Variants in ENTREP2 observed in about 807,000 individuals in gnomAD.
ENTREP2 encodes protein ENTREP2.
chr15:29,378,228 TAGGAAAACCTAC>T, the ENTREP2 span, among the ~76,000 whole-genome samples: 2 of 145,098 alleles, frequency 1.4e-5, no homozygotes, highest in Non-Finnish European at 3.0e-5. Flanking sequence ...AAAAAAAGAG[TAGGAAAACCTAC>T]TCTTGCCAGG....
chr15:29,487,097 G>A, the ENTREP2 span, among the ~76,000 whole-genome samples: 8 of 152,176 alleles, frequency 5.3e-5, no homozygotes, highest in South Asian at 1.0e-3. Context: ...ATCCTGATTC[G>A]ATCATTACAC....
the ENTREP2 span, among the ~76,000 whole-genome samples, chr15:29,412,227 T>C: frequency 6.6e-6 from 1 of 152,196 alleles, no homozygotes; most frequent in African/African-American, 2.4e-5. Context: ...TCCCTCCATT[T>C]ATTTAGGTTT....
At chr15:29,233,709 C>G in the ENTREP2 span, 11 of 1,295,340 alleles carry the variant, frequency 8.5e-6, no homozygotes, top group Non-Finnish European at 1.2e-5. Flanking sequence ...CTCTGTTGCT[C>G]ATCAAGTTAC....
chr15:29,130,457 G>A, the ENTREP2 span, among the ~76,000 whole-genome samples: 34 of 152,244 alleles, frequency 2.2e-4, no homozygotes, highest in Middle Eastern at 3.4e-3. Context: ...CTCCCCTCCC[G>A]TATCTAACCC....
chr15:29,381,183 G>A, the ENTREP2 span, among the ~76,000 whole-genome samples: 9 of 149,614 alleles, frequency 6.0e-5, no homozygotes, highest in East Asian at 2.1e-4. Flanking sequence ...TTGGCCAGGC[G>A]CAGTGGCTCA....
the ENTREP2 span, among the ~76,000 whole-genome samples, chr15:29,193,088 C>T: frequency 2.0e-5 from 3 of 152,142 alleles, no homozygotes; most frequent in African/African-American, 4.8e-5. Context: ...CAACACTCTA[C>T]GGGGCGGTCT....
the ENTREP2 span, among the ~76,000 whole-genome samples, chr15:29,222,930 C>G: frequency 1.3e-5 from 2 of 152,232 alleles, no homozygotes; most frequent in Non-Finnish European, 2.9e-5. Context: ...GTGATACAAT[C>G]TCATGACTTT....
At chr15:29,514,925 G>A in the ENTREP2 span, among the ~76,000 whole-genome samples, 1 of 152,082 alleles carries the variant, frequency 6.6e-6, no homozygotes, top group Non-Finnish European at 1.5e-5. Flanking sequence ...CCTTCAACAC[G>A]GCAGGATAGA....
chr15:29,474,230 C>T, the ENTREP2 span, among the ~76,000 whole-genome samples: 1 of 152,120 alleles, frequency 6.6e-6, no homozygotes, highest in Admixed American at 6.5e-5. Context: ...AGAAGAGAGG[C>T]TACCTACGGT....
the ENTREP2 span, chr15:29,376,633 G>C: frequency 6.6e-6 from 1 of 152,214 alleles, no homozygotes; most frequent in Non-Finnish European, 1.5e-5. Flanking sequence ...AGCCTACAAA[G>C]GGAGGCCTCC....
the ENTREP2 span, among the ~76,000 whole-genome samples, chr15:29,220,142 T>A: frequency 6.6e-6 from 1 of 152,190 alleles, no homozygotes; most frequent in South Asian, 2.1e-4. Context: ...CTAGGGCTTA[T>A]TTGAGGCTGT....
the ENTREP2 span, among the ~76,000 whole-genome samples, chr15:29,334,357 T>C: frequency 5.8e-4 from 88 of 152,200 alleles, no homozygotes; most frequent in African/African-American, 2.0e-3. Context: ...CTCAGGAAGG[T>C]ACACAACCCA....
At chr15:29,431,133 G>GA in the ENTREP2 span, among the ~76,000 whole-genome samples, 3 of 152,090 alleles carry the variant, frequency 2.0e-5, no homozygotes, top group African/African-American at 4.8e-5. Flanking sequence ...CCTAAAGAGG[G>GA]AAATGCAATT....
the ENTREP2 span, among the ~76,000 whole-genome samples, chr15:29,634,764 TTTGA>T: frequency 3.3e-5 from 5 of 152,170 alleles, no homozygotes; most frequent in Admixed American, 2.6e-4. Flanking sequence ...CCTCTTTTGG[TTTGA>T]TTAATTTGCT....
At chr15:29,306,541 ATTT>A in the ENTREP2 span, among the ~76,000 whole-genome samples, 1 of 152,004 alleles carries the variant, frequency 6.6e-6, no homozygotes, top group African/African-American at 2.4e-5. Context: ...AATTCAGCAC[ATTT>A]TTAAAAGCAC....
the ENTREP2 span, among the ~76,000 whole-genome samples, chr15:29,130,904 G>C: frequency 1.3e-5 from 2 of 152,222 alleles, no homozygotes; most frequent in South Asian, 4.1e-4. Flanking sequence ...TGAAATTTGA[G>C]TTCAGTGAGG....
the ENTREP2 span, among the ~76,000 whole-genome samples, chr15:29,667,444 T>A: frequency 1.4e-4 from 21 of 148,410 alleles, no homozygotes; most frequent in African/African-American, 4.5e-4. Flanking sequence ...CATCTTGGCC[T>A]CCCAAAGTTC....
the ENTREP2 span, among the ~76,000 whole-genome samples, chr15:29,504,345 T>C: frequency 6.6e-6 from 1 of 152,182 alleles, no homozygotes; most frequent in Non-Finnish European, 1.5e-5. Flanking sequence ...CACATGGAAG[T>C]GGAAAACAAT....
chr15:29,600,304 T>C, the ENTREP2 span, among the ~76,000 whole-genome samples: 1 of 152,174 alleles, frequency 6.6e-6, no homozygotes, highest in Non-Finnish European at 1.5e-5. Context: ...AATAATATTA[T>C]ATGGGCTGCT....
Sources: allele counts gnomAD v4.1 joint callset (sites outside exome capture counted in the v4.1 genomes callset), GRCh38; gene constraint gnomAD v4.1.1; transcripts MANE v1.5; gene names NCBI Gene and HGNC (gene_info 2026-07-23, HGNC 2026-07-21).